LETM1: variants seen among roughly 807,000 people sequenced by gnomAD.
LETM1 encodes mitochondrial proton/calcium exchanger protein.
In LETM1, 50 loss-of-function variants were observed where a neutral mutation model predicts 74.5. The ratio of observed to expected loss-of-function variants is 0.67; its 90% CI spans 0.53 to 0.85. The LOEUF (loss-of-function observed/expected upper bound fraction) is 0.85, where lower values mean the gene tolerates loss of function less well. LETM1 is among the 40% of genes least tolerant of loss of function. The probability of loss-of-function intolerance (pLI) is 0.00; values close to 1 mark genes in which losing one functional copy is unlikely to be tolerated. For synonymous variants in LETM1, 446 were observed against 407.1 expected (o/e 1.10, Z -1.15); for missense variants, 824 against 967.8 (o/e 0.85, Z 1.97).
At chr4:1,854,106 C>T (rs1275833211) in intron 1 of LETM1, among the ~76,000 whole-genome samples, 1 of 152,226 alleles carries the variant, frequency 6.6e-6, no homozygotes, top group Non-Finnish European at 1.5e-5. Context: ...CTGAGCTCCA[C>T]CTTCAGACTG....
intron 6 of LETM1, among the ~76,000 whole-genome samples, chr4:1,828,888 G>A (rs866093250): frequency 0.029 from 3,201 of 109,486 alleles, 149 homozygotes; most frequent in African/African-American, 0.12. Flanking sequence ...CCTCCCGGAC[G>A]GGGCGGCTGG....
chr4:1,817,369 C>A (rs760195321), intron 11 of LETM1, among the ~76,000 whole-genome samples: 1 of 151,786 alleles, frequency 6.6e-6, no homozygotes, highest in Non-Finnish European at 1.5e-5. Context: ...CCAGACCAGG[C>A]AACATAGCAA....
At chr4:1,833,133 G>A in intron 5 of LETM1, 186 bp from the exon 6 acceptor site, 1 of 590,946 alleles carries the variant, frequency 1.7e-6, no homozygotes, top group Non-Finnish European at 3.0e-6. Flanking sequence ...ATGCAGTGGT[G>A]TAATCTCGGT....
intron 6 of LETM1, among the ~76,000 whole-genome samples, chr4:1,830,756 G>A (rs561484615): frequency 6.6e-6 from 1 of 152,294 alleles, no homozygotes; most frequent in Non-Finnish European, 1.5e-5. Context: ...GCTGGTGGCT[G>A]TTTGAGGCCC....
At chr4:1,848,310 AG>A (rs1712951144) in intron 2 of LETM1, among the ~76,000 whole-genome samples, 1 of 152,082 alleles carries the variant, frequency 6.6e-6, no homozygotes, top group African/African-American at 2.4e-5. Context: ...GCACTTTGGG[AG>A]GCCATGGCGG....
At chr4:1,826,989 G>A (rs1004887934) in intron 6 of LETM1, among the ~76,000 whole-genome samples, 7 of 152,212 alleles carry the variant, frequency 4.6e-5, no homozygotes, top group African/African-American at 1.7e-4. Context: ...TCGCATCGTC[G>A]CCTCCACCCA....
chr4:1,834,909 A>G lies in LETM1; in HGVS notation c.812T>C (p.Met271Thr). ...AKFLQDTIEE[M>T]ALKNKAAKGS... Reference sequence around the variant, plus strand: ...CTTGGCTGCCTTGTTCTTCAAGGCCATCTCCTCGATGGTGTCCTGGAGGAA... The same window carrying G: ...CTTGGCTGCCTTGTTCTTCAAGGCCGTCTCCTCGATGGTGTCCTGGAGGAA... The change falls in exon 5 of 14, where the codon ATG becomes ACG. Residue 271 changes from methionine (M) to threonine (T), a missense_variant. Met to Thr is a moderately conservative substitution (Grantham distance 81). Around this residue, in one of 4 missense-constraint regions of LETM1, gnomAD observed 269 missense variants for 348.8 expected, o/e 0.77. Transcript: ENST00000302787. This position sits in a 1 kb window ranked among gnomAD's most constrained non-coding sequence, Gnocchi z 5.0. 2.5e-6 allele frequency: 4 copies of G among 1,614,208 alleles called. No individual in the cohort carries two copies. Among genetic ancestry groups the G allele is most frequent in the Non-Finnish European group, 3.4e-6 (4 of 1,180,018 alleles).
rs535769857 is a variant in LETM1, at chr4:1,850,644, G to GAAA, written c.83-1438_83-1436dup. Reference sequence around the variant, plus strand: ...GGCGACAGAGCAAGACTCTGTCTCAGAAAAAAAAAAAAAAAAAAAAAGAAT... The same window carrying GAAA: ...GGCGACAGAGCAAGACTCTGTCTCAGAAAAAAAAAAAAAAAAAAAAAAAAGAAT... On this transcript the variant is annotated intron_variant, in intron 1 of 13. Transcript: ENST00000302787. 1.1e-4 allele frequency among the ~76,000 whole-genome samples: 8 copies of GAAA among 74,362 alleles called. No homozygotes were observed. In the East Asian group the frequency reaches 2.5e-3, roughly 23 times the overall value. The allele number at this position is 74,362 out of a possible 152,430, so 48.8% of individuals were successfully genotyped here. A position where few individuals can be genotyped will look rare whatever the true frequency, so the allele number is the denominator to read the frequency against.
chr4:1,812,540 A>C lies in LETM1; in HGVS notation c.*1884T>G, dbSNP rs1722499148. 2 of 152,262 alleles carry C rather than the reference A, an allele frequency of 1.3e-5. No individual in the cohort carries two copies. Among genetic ancestry groups the C allele is most frequent in the Admixed American group, 1.3e-4 (2 of 15,272 alleles). The allele number at this position is 152,262 out of a possible 1,614,324, so 9.4% of individuals were successfully genotyped here. On this transcript the variant is annotated 3_prime_UTR_variant, in exon 14 of 14. Transcript: ENST00000302787. ...AGGTGTAAGAAAGGACTGTTTTAAG[A>C]AGCTTATTACACAAAGCTCATATTT...
chr4:1,829,309 C>T (rs1418110740), intron 6 of LETM1, among the ~76,000 whole-genome samples: 1 of 143,328 alleles, frequency 7.0e-6, no homozygotes, highest in African/African-American at 2.8e-5. Context: ...CAGAGGCGCC[C>T]CTCACCTCCC....
rs145001136 is a variant in LETM1, at chr4:1,842,484, C to T, written c.144-687G>A. On this transcript the variant is annotated intron_variant, in intron 2 of 13. Coordinates refer to ENST00000302787, the MANE Select transcript of LETM1 (RefSeq NM_012318.3). The stretch of plus-strand genomic sequence containing the variant: ...GCTCATGCCCTTGCTTCACTCAGAC[C>T]TCCCTGACCACTCCACCGCTCTTGC... Among the ~76,000 whole-genome samples the T allele has an allele frequency of 6.9e-3, 1,044 of 152,330 alleles. 6 individuals are homozygous for T. The highest frequency in any genetic ancestry group is 0.011 in the Non-Finnish European group (733 of 68,022).
At chr4:1,832,986 G>A (rs762170118) in intron 5 of LETM1, 39 bp from the exon 6 acceptor site, 105 of 1,594,734 alleles carry the variant, frequency 6.6e-5, no homozygotes, top group South Asian at 6.4e-4. Context: ...CGGGACACGC[G>A]CCCACCCGGC....
In LETM1 at chr4:1,836,640, A is replaced by G. The variant is rs1045296581; in HGVS notation, c.595-68T>C. ...GGGAACAAGGGCAAGGGGTGTGAGC[A>G]TTTCTCCTATAATGGTTTATAGGCA... On this transcript the variant is annotated intron_variant, in intron 3 of 13. Transcript: ENST00000302787. This position sits in a 1 kb window ranked among gnomAD's most constrained non-coding sequence, Gnocchi z 5.8. 28 of 1,553,026 alleles carry G rather than the reference A, an allele frequency of 1.8e-5. No homozygotes were observed. The highest frequency in any genetic ancestry group is 2.4e-5 in the Non-Finnish European group (27 of 1,131,276).
chr4:1,819,112 A>G (rs1711684394), intron 11 of LETM1, among the ~76,000 whole-genome samples: 1 of 151,578 alleles, frequency 6.6e-6, no homozygotes, highest in African/African-American at 2.4e-5. Flanking sequence ...GTGCACACAC[A>G]TCTGTGGCCA....
intron 7 of LETM1, 87 bp from the exon 8 acceptor site, chr4:1,823,862 G>C: frequency 7.1e-7 from 1 of 1,411,956 alleles, no homozygotes; most frequent in Non-Finnish European, 9.6e-7. Context: ...CACCAGAATA[G>C]CTCTCAGAGA....
intron 10 of LETM1, among the ~76,000 whole-genome samples, chr4:1,820,006 T>C (rs1345791868): frequency 6.6e-6 from 1 of 152,202 alleles, no homozygotes; most frequent in Non-Finnish European, 1.5e-5. Context: ...GGTGCAATCA[T>C]GGCTTGCTGC....
At chr4:1,825,822 G>A in intron 6 of LETM1, 139 bp from the exon 7 acceptor site, 2 of 982,812 alleles carry the variant, frequency 2.0e-6, no homozygotes, top group African/African-American at 1.6e-5. Flanking sequence ...CCCAGTTCTA[G>A]GTTAGAAGTG....
chr4:1,814,521 GC>G lies in LETM1; in HGVS notation c.2122del (p.Ala708LeufsTer4). On this transcript the variant is annotated frameshift_variant, in exon 14 of 14. Transcript: ENST00000302787. LOFTEE classifies it high-confidence loss of function. ...TTTTTCCAGTGTTGCTACAATCTCA[GC>G]CACCTGGCTGGTGGAGATGTGAACA... ...EDVHISTSQV[A>X]EIVATLEKEE... 1 of 1,613,944 alleles carries G rather than the reference GC, an allele frequency of 6.2e-7. No individual in the cohort carries two copies. Among genetic ancestry groups the G allele is most frequent in the Non-Finnish European group, 8.5e-7 (1 of 1,179,896 alleles).
intron 2 of LETM1, 68 bp downstream of exon 2, chr4:1,849,081 G>A (rs927465495): frequency 8.5e-6 from 9 of 1,063,494 alleles, no homozygotes; most frequent in African/African-American, 4.7e-5. Flanking sequence ...AGAGTCACTC[G>A]TGACTCTCCA....
Sources: allele counts gnomAD v4.1 joint callset (sites outside exome capture counted in the v4.1 genomes callset), GRCh38; gene constraint gnomAD v4.1.1; regional missense constraint gnomAD v4.1.1; non-coding constraint Gnocchi (gnomAD v3.1); transcripts MANE v1.5; gene names NCBI Gene and HGNC (gene_info 2026-07-23, HGNC 2026-07-21).